PCDHA2: variants seen among roughly 807,000 people sequenced by gnomAD.
The protein encoded by PCDHA2 is protocadherin alpha-2.
PCDHA2 carries 58 observed loss-of-function variants against 66.0 expected under a neutral mutation model. The observed-to-expected ratio is 0.88, with a 90% confidence interval of 0.71 to 1.09. The LOEUF (loss-of-function observed/expected upper bound fraction) is 1.09, where lower values mean the gene tolerates loss of function less well. PCDHA2 is among the 50% of genes least tolerant of loss of function. PCDHA2 has a pLI of 0.00. For missense variants in PCDHA2, 1,267 were observed against 1,242.3 expected, an observed-to-expected ratio of 1.02 and a Z score of -0.30; for synonymous variants, 634 against 554.0, an observed-to-expected ratio of 1.14 and a Z score of -2.03.
rs782463768 is a variant in PCDHA2, at chr5:140,803,220, G to A, written c.2388+5868G>A. On this transcript the variant is annotated intron_variant, in intron 1 of 3. Transcript: ENST00000526136. ...GGTGTCGCTGGTGGAGAGTGGCCAG[G>A]CACCCAAGGCCTCGTCCCAGGCGTC... 48 of 1,613,816 alleles carry A rather than the reference G, an allele frequency of 3.0e-5. No homozygotes were observed. The South Asian group carries it at 4.6e-4, about 16-fold the overall frequency.
chr5:140,985,928 C>A (rs1001132600), intron 3 of PCDHA2, among the ~76,000 whole-genome samples: 2 of 151,534 alleles, frequency 1.3e-5, no homozygotes, highest in Non-Finnish European at 2.9e-5. Flanking sequence ...TTTAGTAGAG[C>A]CGGGGTTTCA....
Position 140,992,419 on chromosome 5 carries a change from A to C in PCDHA2, c.2536+9856A>C, listed in dbSNP as rs554370784. The stretch of plus-strand genomic sequence containing the variant: ...GAGATATTGTTCTGCCCCAGGTCTA[A>C]GAATATTGTTCCAAGAGTTGGGAGC... On this transcript the variant is annotated intron_variant, in intron 3 of 3. Transcript: ENST00000526136. Among the ~76,000 whole-genome samples the C allele has an allele frequency of 3.3e-5, 5 of 152,318 alleles. No individual in the cohort carries two copies. In the East Asian group the frequency reaches 7.7e-4, roughly 23 times the overall value.
rs201991205 is a variant in PCDHA2 at position 140,982,521 on chromosome 5, G to C, written c.2494G>C (p.Gly832Arg). ...TGGCATTCTACGGGCTGGTCCAGGAGGGCCTGATCAGCAGTGGCCAACAGT... is the reference window on the plus strand; with the variant it reads ...TGGCATTCTACGGGCTGGTCCAGGACGGCCTGATCAGCAGTGGCCAACAGT... ...EAGILRAGPG[G>R]PDQQWPTVSS... Residue 832 changes from glycine to arginine, a missense_variant, in exon 3 of 4, where the codon GGG becomes CGG. Gly to Arg is a moderately radical substitution (Grantham distance 125). Coordinates refer to ENST00000526136, the MANE Select transcript of PCDHA2 (RefSeq NM_018905.3). The C allele has an allele frequency of 9.3e-6, 15 of 1,614,216 alleles. No individual in the cohort carries two copies. In the Admixed American group the frequency reaches 2.3e-4, roughly 25 times the overall value.
intron 1 of PCDHA2, chr5:140,830,542 C>T: frequency 2.5e-6 from 3 of 1,194,226 alleles, no homozygotes; most frequent in Non-Finnish European, 3.4e-6. Flanking sequence ...TAATTGTTTT[C>T]CTCATATTTG....
chr5:140,918,003 T>A (rs1223893662), intron 1 of PCDHA2, among the ~76,000 whole-genome samples: 1 of 152,216 alleles, frequency 6.6e-6, no homozygotes, highest in African/African-American at 2.4e-5. Flanking sequence ...ATCTTAACAA[T>A]GTTGTTTCTT....
At chr5:140,849,935 G>T (rs2150458512) in intron 1 of PCDHA2, 2 of 1,597,924 alleles carry the variant, frequency 1.3e-6, no homozygotes, top group African/African-American at 2.7e-5. Context: ...TGTCTGCGCG[G>T]GACGCTGACG....
intron 1 of PCDHA2, among the ~76,000 whole-genome samples, chr5:140,818,263 T>C (rs1353101049): frequency 2.0e-5 from 3 of 152,220 alleles, no homozygotes; most frequent in Non-Finnish European, 4.4e-5. Context: ...TAAATCACTT[T>C]TTCTCTTTGT....
rs782684742 is a variant in PCDHA2, at chr5:140,796,892, C to T, written c.1928C>T (p.Pro643Leu). Residue 643 changes from proline (P) to leucine (L), a missense_variant, in exon 1 of 4, where the codon CCT becomes CTT. Pro to Leu is a moderately conservative substitution (Grantham distance 98). Transcript: ENST00000526136. ...TTRALDEADS[P>L]RHRLLVLVKD... ...CGTGCCCTAGACGAGGCTGACTCCC[C>T]TCGACACCGCCTACTCGTGCTGGTG... 1.8e-5 allele frequency: 29 copies of T among 1,613,982 alleles called. No homozygotes were observed. Among genetic ancestry groups the T allele is most frequent in the Non-Finnish European group, 2.5e-5 (29 of 1,179,980 alleles).
At chr5:140,857,046 G>T in intron 1 of PCDHA2, 1 of 1,595,844 alleles carries the variant, frequency 6.3e-7, no homozygotes, top group Non-Finnish European at 8.6e-7. Flanking sequence ...GTTGGTCACT[G>T]CACGGTCCTA....
chr5:140,800,621 T>C (rs782325777), intron 1 of PCDHA2, among the ~76,000 whole-genome samples: 2 of 152,330 alleles, frequency 1.3e-5, no homozygotes, highest in South Asian at 4.1e-4. Context: ...AATCCCATCG[T>C]ACCAAGAGAT....
chr5:140,943,616 C>T (rs1221074220), intron 1 of PCDHA2, among the ~76,000 whole-genome samples: 3 of 152,048 alleles, frequency 2.0e-5, no homozygotes, highest in African/African-American at 7.3e-5. Context: ...TTTGATTCAT[C>T]TGCATAAGGA....
chr5:140,817,804 C>T (rs2150099186), intron 1 of PCDHA2, among the ~76,000 whole-genome samples: 1,550 of 152,176 alleles, frequency 0.01, 30 homozygotes, highest in African/African-American at 0.036. Flanking sequence ...GAAACCTTTA[C>T]GTTTTTATAT....
chr5:140,852,107 A>T, intron 1 of PCDHA2: 1 of 907,274 alleles, frequency 1.1e-6, no homozygotes, highest in East Asian at 1.2e-4. Context: ...ATATTTTACA[A>T]GGTATGACCT....
chr5:140,798,750 TA>T (rs1408551000), intron 1 of PCDHA2, among the ~76,000 whole-genome samples: 3 of 152,224 alleles, frequency 2.0e-5, no homozygotes, highest in African/African-American at 7.2e-5. Context: ...TTATTTTGGG[TA>T]ATTATAACAC....
Position 140,857,427 on chromosome 5 carries a change from C to A in PCDHA2, c.2388+60075C>A, listed in dbSNP as rs781871079. 21 of 1,598,334 alleles carry A rather than the reference C, an allele frequency of 1.3e-5. 1 individual carries two copies. The highest frequency in any genetic ancestry group is 4.4e-5 in the South Asian group (4 of 90,554). On this transcript the variant is annotated intron_variant, in intron 1 of 3. Transcript: ENST00000526136. ...CCTGCGTTCGCGCAGTCCGAGTACACGGTGTTCGTGAAGGAGAACAACCCG... is the reference window on the plus strand; with the variant it reads ...CCTGCGTTCGCGCAGTCCGAGTACAAGGTGTTCGTGAAGGAGAACAACCCG...
At position 140,857,244 on chromosome 5, in the gene PCDHA2, C is replaced by T. The variant is rs192745808; in HGVS notation, c.2388+59892C>T. On this transcript the variant is annotated intron_variant, in intron 1 of 3. Coordinates refer to ENST00000526136, the MANE Select transcript of PCDHA2 (RefSeq NM_018905.3). ...CACGTTCCGTTCAAGCTGGTGTCCA[C>T]CTACAAGAATTACTACTCATTGGTG... 5 of 1,598,592 alleles carry T rather than the reference C, an allele frequency of 3.1e-6. 1 individual carries two copies. In the African/African-American group the frequency reaches 6.7e-5, roughly 21 times the overall value.
chr5:140,823,077 G>A (rs1470317828), intron 1 of PCDHA2: 4 of 1,614,028 alleles, frequency 2.5e-6, no homozygotes, highest in Non-Finnish European at 3.4e-6. Flanking sequence ...CGCCTTCGCT[G>A]TGGGCCACCG....
Position 140,829,519 on chromosome 5 carries a change from G to T in PCDHA2, c.2388+32167G>T, listed in dbSNP as rs140453889. 8.6e-4 allele frequency: 1,385 copies of T among 1,613,420 alleles called. 16 individuals carry two copies. The African/African-American group carries it at 0.017, about 19-fold the overall frequency. Reference sequence around the variant, plus strand: ...ACCCGCCGGGCTGCCACATCTTCACGGTGTCTGCGCGAGACGCGGACGCGC... The same window carrying T: ...ACCCGCCGGGCTGCCACATCTTCACTGTGTCTGCGCGAGACGCGGACGCGC... On this transcript the variant is annotated intron_variant, in intron 1 of 3. Transcript: ENST00000526136.
chr5:140,870,339 G>A (rs1554164098), intron 1 of PCDHA2: 1 of 1,614,064 alleles, frequency 6.2e-7, no homozygotes, highest in East Asian at 2.2e-5. Context: ...ACAGCGCCCT[G>A]GACCGCGAGA....
Sources: allele counts gnomAD v4.1 joint callset (sites outside exome capture counted in the v4.1 genomes callset), GRCh38; gene constraint gnomAD v4.1.1; transcripts MANE v1.5; gene names NCBI Gene and HGNC (gene_info 2026-07-23, HGNC 2026-07-21).